SIK3: variants seen among roughly 807,000 people sequenced by gnomAD.
SIK3 encodes SIK family kinase 3.
Under a neutral mutation model 144.2 loss-of-function variants are expected in SIK3, and 28 were observed. That is an observed-to-expected ratio of 0.19 (90% CI 0.14 to 0.27). The LOEUF is 0.27. SIK3 is among the 10% of genes least tolerant of loss of function. The pLI, the probability that SIK3 is intolerant of heterozygous loss-of-function variation, is 1.00. For missense variants in SIK3, 1,319 were observed against 1,776.0 expected (o/e 0.74, Z 4.62); for synonymous variants, 686 against 676.3 (o/e 1.01, Z -0.22).
In SIK3 at chr11:117,081,251, AT is replaced by A. The variant is rs201603932; in HGVS notation, c.273+16891del. The stretch of plus-strand genomic sequence containing the variant: ...ATGAGGAACTTTCACTTTCTTTGTT[AT>A]ACATTTTGTAAGGTTTGATTATTTT... On this transcript the variant is annotated intron_variant, in intron 1 of 24. Coordinates refer to ENST00000445177, the MANE Select transcript of SIK3 (RefSeq NM_001366686.3). Among the ~76,000 whole-genome samples, 1,066 of 152,272 alleles carry A rather than the reference AT, an allele frequency of 7.0e-3. 12 individuals are homozygous for A. Among genetic ancestry groups the A allele is most frequent in the African/African-American group, 0.024 (991 of 41,552 alleles).
At chr11:116,889,264 G>T (rs112276279) in intron 6 of SIK3, among the ~76,000 whole-genome samples, 49 of 152,278 alleles carry the variant, frequency 3.2e-4, no homozygotes, top group African/African-American at 1.1e-3. Context: ...ATTAGATTAA[G>T]TAAAAGAAAA....
At chr11:116,881,603 C>T (rs1203335193) in intron 6 of SIK3, among the ~76,000 whole-genome samples, 1 of 151,696 alleles carries the variant, frequency 6.6e-6, no homozygotes, top group Non-Finnish European at 1.5e-5. Context: ...CAAACCAAAA[C>T]AATTCTTGGG....
rs576765228 is a variant in SIK3, at chr11:116,880,812, C to T, written c.866-3770G>A. Among the ~76,000 whole-genome samples, 6 of 152,250 alleles carry T rather than the reference C, an allele frequency of 3.9e-5. No homozygotes were observed. The East Asian group carries it at 9.7e-4, about 24-fold the overall frequency. ...CAACTTTTCCAGATACCAAGAACTACTCTATTTTATTGTCTAAAAGGTCCC... is the reference window on the plus strand; with the variant it reads ...CAACTTTTCCAGATACCAAGAACTATTCTATTTTATTGTCTAAAAGGTCCC... On this transcript the variant is annotated intron_variant, in intron 6 of 24. Transcript: ENST00000445177.
At chr11:116,893,456 C>T (rs761811880) in intron 6 of SIK3, among the ~76,000 whole-genome samples, 19 of 151,966 alleles carry the variant, frequency 1.3e-4, no homozygotes, top group African/African-American at 2.7e-4. Context: ...GCAGGCAGAT[C>T]GCCTGAACTC....
At chr11:116,916,057 C>G (rs561855952) in intron 4 of SIK3, among the ~76,000 whole-genome samples, 2 of 152,150 alleles carry the variant, frequency 1.3e-5, no homozygotes, top group African/African-American at 2.4e-5. Flanking sequence ...CATTTATTAA[C>G]TTCTAAAAAA....
intron 1 of SIK3, among the ~76,000 whole-genome samples, chr11:117,087,993 G>A (rs976873901): frequency 1.3e-5 from 2 of 152,216 alleles, no homozygotes; most frequent in Non-Finnish European, 2.9e-5. Flanking sequence ...ACTTCGGGAA[G>A]CCAAAGAGGG....
At chr11:116,912,518 C>G (rs1182017699) in intron 4 of SIK3, among the ~76,000 whole-genome samples, 2 of 152,180 alleles carry the variant, frequency 1.3e-5, no homozygotes, top group African/African-American at 4.8e-5. Flanking sequence ...AACTTTCCAG[C>G]CAGTACTAGT....
At chr11:117,027,156 T>G (rs1952045222) in intron 1 of SIK3, among the ~76,000 whole-genome samples, 2 of 152,198 alleles carry the variant, frequency 1.3e-5, no homozygotes, top group Non-Finnish European at 1.5e-5. Flanking sequence ...CAGCTTTAAA[T>G]GCTCAATCTA....
intron 4 of SIK3, among the ~76,000 whole-genome samples, chr11:116,897,975 A>AT (rs903232106): frequency 9.4e-5 from 14 of 149,202 alleles, no homozygotes; most frequent in South Asian, 2.1e-4. Context: ...TGGACCCAGA[A>AT]TTTTTTTTTT....
intron 1 of SIK3, among the ~76,000 whole-genome samples, chr11:117,093,746 T>C (rs1183518380): frequency 6.6e-6 from 1 of 152,102 alleles, no homozygotes; most frequent in African/African-American, 2.4e-5. Context: ...AGCCAGCCTG[T>C]ACCCTATACA....
intron 1 of SIK3, among the ~76,000 whole-genome samples, chr11:117,026,298 G>C (rs181181452): frequency 6.6e-6 from 1 of 152,258 alleles, no homozygotes; most frequent in African/African-American, 2.4e-5. Context: ...GTGGGTAGTA[G>C]GCTATACCAT....
intron 6 of SIK3, among the ~76,000 whole-genome samples, chr11:116,895,933 C>A (rs926464054): frequency 6.6e-6 from 1 of 152,190 alleles, no homozygotes; most frequent in African/African-American, 2.4e-5. Flanking sequence ...CATGGGCCTA[C>A]TGAGTCTTCA....
rs574985284 is a variant in SIK3, at chr11:116,950,554, G to A, written c.454+3490C>T. The stretch of plus-strand genomic sequence containing the variant: ...TAATCCTTACTAAAAAAGGTAGCCC[G>A]AAGTAACCTGATGTTAACTGGTTAA... On this transcript the variant is annotated intron_variant, in intron 3 of 24. Transcript: ENST00000445177. Among the ~76,000 whole-genome samples, 5 of 152,260 alleles carry A rather than the reference G, an allele frequency of 3.3e-5. No homozygotes were observed. The East Asian group carries it at 7.7e-4, about 23-fold the overall frequency.
At chr11:116,985,468 T>C (rs1950296289) in intron 1 of SIK3, among the ~76,000 whole-genome samples, 1 of 152,196 alleles carries the variant, frequency 6.6e-6, no homozygotes, top group Admixed American at 6.5e-5. Context: ...ACTAGTTGAG[T>C]TTGCGCTTGT....
At chr11:117,098,098 C>G (rs1233199482) in intron 1 of SIK3, 45 bp downstream of exon 1, 1 of 1,378,950 alleles carries the variant, frequency 7.3e-7, no homozygotes, top group Admixed American at 2.6e-5. Flanking sequence ...GGACCTCTCC[C>G]GGCCCCGCCA....
At chr11:116,954,499 A>G (rs945107999) in intron 2 of SIK3, among the ~76,000 whole-genome samples, 1 of 152,034 alleles carries the variant, frequency 6.6e-6, no homozygotes, top group Non-Finnish European at 1.5e-5. Flanking sequence ...ACTAAAGCAA[A>G]AAGAAGCCTT....
At position 116,908,790 on chromosome 11, in the gene SIK3, G is replaced by A. The variant is rs760582444; in HGVS notation, c.617-11473C>T. On this transcript the variant is annotated intron_variant, in intron 4 of 24. Transcript: ENST00000445177. ...AATAACAAGCACTGGAGAGGACATG[G>A]AGCAAGTGGAACTCTCACACCTACT... is the stretch of plus-strand genomic sequence containing the variant. 9.8e-5 allele frequency among the ~76,000 whole-genome samples: 15 copies of A among 152,294 alleles called. No homozygotes were observed. The South Asian group carries it at 1.2e-3, about 13-fold the overall frequency.
intron 1 of SIK3, among the ~76,000 whole-genome samples, chr11:116,959,648 A>C (rs879765311): frequency 6.6e-6 from 1 of 152,174 alleles, no homozygotes; most frequent in African/African-American, 2.4e-5. Flanking sequence ...CTGATTCACA[A>C]GGCACTCACT....
intron 3 of SIK3, among the ~76,000 whole-genome samples, chr11:116,930,454 T>G (rs541558333): frequency 1.3e-4 from 20 of 152,358 alleles, no homozygotes; most frequent in Non-Finnish European, 2.4e-4. Context: ...ATGTGATATT[T>G]AACTTTCAGT....
Sources: gnomAD v4.1 joint callset for allele counts (sites outside exome capture counted in the v4.1 genomes callset) on GRCh38, gnomAD v4.1.1 for gene constraint, MANE v1.5 for transcripts, NCBI Gene and HGNC (gene_info 2026-07-23, HGNC 2026-07-21) for gene names.